ADGRL3: variants seen among roughly 807,000 people sequenced by gnomAD.
ADGRL3 encodes the protein calcium-independent alpha-latrotoxin receptor 3.
In ADGRL3, 62 loss-of-function variants were observed where a neutral mutation model predicts 153.5. That is an observed-to-expected ratio of 0.40 (90% CI 0.33 to 0.50). The LOEUF (loss-of-function observed/expected upper bound fraction) is 0.50. ADGRL3 is among the 20% of genes least tolerant of loss of function. The pLI is 0.47. For synonymous variants in ADGRL3, 710 were observed against 672.5 expected, an observed-to-expected ratio of 1.06 and a Z score of -0.86; for missense variants, 1,641 against 1,859.4, an observed-to-expected ratio of 0.88 and a Z score of 2.16.
chr4:61,448,656 A>G (rs940360023), intron 2 of ADGRL3, among the ~76,000 whole-genome samples: 1 of 151,812 alleles, frequency 6.6e-6, no homozygotes, highest in South Asian at 2.1e-4. Context: ...AATATATATC[A>G]TTAGAAGTTT....
chr4:61,743,049 G>C lies in ADGRL3; in HGVS notation c.1399+9495G>C, dbSNP rs371821175. On this transcript the variant is annotated intron_variant, in intron 8 of 26. Coordinates refer to ENST00000683033, the MANE Select transcript of ADGRL3 (RefSeq NM_001387552.1). ...AGAAAAAACAATTCTGGCTGGGCTC[G>C]GTGGCTCATGCCTGTAATTCCAGCA... Among the ~76,000 whole-genome samples, 5 of 151,136 alleles carry C rather than the reference G, an allele frequency of 3.3e-5. No homozygotes were observed. In the South Asian group the frequency reaches 1.0e-3, roughly 32 times the overall value.
chr4:61,477,222 C>T (rs2098075122), intron 2 of ADGRL3, among the ~76,000 whole-genome samples: 1 of 152,002 alleles, frequency 6.6e-6, no homozygotes, highest in Admixed American at 6.6e-5. Flanking sequence ...ATGAATTTTC[C>T]ATTATTAAGT....
At chr4:61,288,188 T>A (rs2094019122) in intron 1 of ADGRL3, among the ~76,000 whole-genome samples, 1 of 151,912 alleles carries the variant, frequency 6.6e-6, no homozygotes, top group African/African-American at 2.4e-5. Flanking sequence ...CTAAATAACA[T>A]CCCTTACTCT....
intron 8 of ADGRL3, among the ~76,000 whole-genome samples, chr4:61,740,753 C>G (rs2096572215): frequency 6.6e-6 from 1 of 152,098 alleles, no homozygotes; most frequent in African/African-American, 2.4e-5. Flanking sequence ...AAAACACATC[C>G]AGCAATAAGT....
At chr4:61,326,586 G>GT (rs1312257579) in intron 1 of ADGRL3, among the ~76,000 whole-genome samples, 1 of 145,088 alleles carries the variant, frequency 6.9e-6, no homozygotes, top group Middle Eastern at 3.2e-3. Context: ...CAGCTAGCCA[G>GT]TTATGCCAGA....
chr4:62,022,273 G>T (rs1464984288), intron 21 of ADGRL3, among the ~76,000 whole-genome samples: 7 of 152,272 alleles, frequency 4.6e-5, no homozygotes, highest in South Asian at 2.1e-4. Context: ...TTCTATGAAG[G>T]CTGAGAGAGG....
intron 9 of ADGRL3, among the ~76,000 whole-genome samples, chr4:61,888,584 A>G (rs1320021729): frequency 1.3e-5 from 2 of 152,232 alleles, no homozygotes; most frequent in Non-Finnish European, 2.9e-5. Context: ...GTAGTCTTAC[A>G]TAGCAGTAAA....
intron 6 of ADGRL3, among the ~76,000 whole-genome samples, chr4:61,682,291 A>G (rs1277596339): frequency 2.6e-5 from 4 of 151,920 alleles, no homozygotes; most frequent in Non-Finnish European, 5.9e-5. Context: ...AATTATATTT[A>G]TAACAAGAGC....
intron 13 of ADGRL3, among the ~76,000 whole-genome samples, chr4:61,915,725 C>A (rs951065837): frequency 7.2e-5 from 11 of 152,188 alleles, no homozygotes; most frequent in South Asian, 2.1e-4. Context: ...GATCATTATT[C>A]CATGAAATTC....
intron 8 of ADGRL3, among the ~76,000 whole-genome samples, chr4:61,741,673 C>G (rs2096582134): frequency 6.6e-6 from 1 of 152,160 alleles, no homozygotes; most frequent in Admixed American, 6.5e-5. Context: ...TAAAACTTCC[C>G]AGAATGACAT....
chr4:61,624,815 A>G (rs1451546134), intron 5 of ADGRL3, among the ~76,000 whole-genome samples: 2 of 152,152 alleles, frequency 1.3e-5, no homozygotes, highest in African/African-American at 2.4e-5. Flanking sequence ...AAGATTAACT[A>G]TAATGATGTA....
intron 2 of ADGRL3, among the ~76,000 whole-genome samples, chr4:61,413,404 C>T (rs969979869): frequency 6.6e-6 from 1 of 152,034 alleles, no homozygotes; most frequent in African/African-American, 2.4e-5. Flanking sequence ...GGCAGGTCAT[C>T]ACTACTCTGG....
chr4:61,471,052 A>G (rs1049470633), intron 2 of ADGRL3, among the ~76,000 whole-genome samples: 2 of 151,808 alleles, frequency 1.3e-5, no homozygotes, highest in Admixed American at 6.6e-5. Context: ...ATCCCTGAAC[A>G]ATGTCTTTTT....
intron 5 of ADGRL3, among the ~76,000 whole-genome samples, chr4:61,655,313 C>T (rs573909807): frequency 5.3e-5 from 8 of 152,056 alleles, no homozygotes; most frequent in African/African-American, 1.7e-4. Flanking sequence ...ATATTTTTAA[C>T]GGATACAAGC....
intron 6 of ADGRL3, among the ~76,000 whole-genome samples, chr4:61,709,042 C>T (rs930919520): frequency 3.3e-5 from 5 of 152,020 alleles, no homozygotes; most frequent in African/African-American, 1.2e-4. Context: ...CTCCTGACCT[C>T]AGGTGATCTG....
chr4:61,543,881 T>C (rs562732245), intron 4 of ADGRL3, among the ~76,000 whole-genome samples: 116 of 152,332 alleles, frequency 7.6e-4, no homozygotes, highest in East Asian at 3.9e-3. Flanking sequence ...ATTTGAATAT[T>C]TCACTGCTGT....
chr4:61,273,526 C>T (rs1417449098), intron 1 of ADGRL3, among the ~76,000 whole-genome samples: 1 of 152,076 alleles, frequency 6.6e-6, no homozygotes, highest in Non-Finnish European at 1.5e-5. Flanking sequence ...TATTTTGTGG[C>T]ATTGAATTGC....
At chr4:61,284,309 T>C (rs2093842709) in intron 1 of ADGRL3, among the ~76,000 whole-genome samples, 1 of 151,936 alleles carries the variant, frequency 6.6e-6, no homozygotes, top group South Asian at 2.1e-4. Flanking sequence ...GAGTATTAAC[T>C]TACTTAAAAC....
chr4:61,912,865 G>C (rs2098728167), intron 13 of ADGRL3, 108 bp downstream of exon 13: 1 of 1,015,042 alleles, frequency 9.9e-7, no homozygotes, highest in Admixed American at 2.0e-5. Context: ...TGAAATAAAG[G>C]AATTTCATGG....
Sources: gnomAD v4.1 joint callset for allele counts (sites outside exome capture counted in the v4.1 genomes callset) on GRCh38, gnomAD v4.1.1 for gene constraint, MANE v1.5 for transcripts, NCBI Gene and HGNC (gene_info 2026-07-23, HGNC 2026-07-21) for gene names.